Variants in OSBP2 observed in about 807,000 individuals in gnomAD.
OSBP2 encodes oxysterol binding protein 2.
Under a neutral mutation model 96.0 loss-of-function variants are expected in OSBP2, and 66 were observed. That is an observed-to-expected ratio of 0.69 (90% CI 0.56 to 0.84). The LOEUF is 0.84. Among genes scored for constraint, OSBP2 ranks in the 40% least tolerant of loss-of-function variants. OSBP2 has a pLI of 0.00. For synonymous variants in OSBP2, 525 were observed against 520.9 expected (o/e 1.01, Z -0.11); for missense variants, 1,038 against 1,222.7 (o/e 0.85, Z 2.25).
At chr22:30,860,973 C>T (rs2147086083) in intron 2 of OSBP2, among the ~76,000 whole-genome samples, 1 of 152,306 alleles carries the variant, frequency 6.6e-6, no homozygotes, top group Non-Finnish European at 1.5e-5. Flanking sequence ...AGGTCACAGC[C>T]CTCTTCTGAG....
At chr22:30,836,440 A>G (rs1908116651) in intron 2 of OSBP2, among the ~76,000 whole-genome samples, 1 of 152,106 alleles carries the variant, frequency 6.6e-6, no homozygotes, top group Non-Finnish European at 1.5e-5. Context: ...GCACATACAA[A>G]GCTATTTGTT....
chr22:30,776,714 C>T (rs1029404135), intron 2 of OSBP2, among the ~76,000 whole-genome samples: 3 of 152,004 alleles, frequency 2.0e-5, no homozygotes, highest in African/African-American at 7.3e-5. Flanking sequence ...CTGAGTTATC[C>T]TCCATCAATG....
chr22:30,724,037 A>G (rs1476129706), intron 1 of OSBP2, among the ~76,000 whole-genome samples: 6 of 152,088 alleles, frequency 3.9e-5, no homozygotes, highest in African/African-American at 1.4e-4. Context: ...TGCTCTGCCT[A>G]TTCATCACTC....
At chr22:30,829,411 G>C (rs930905638) in intron 2 of OSBP2, among the ~76,000 whole-genome samples, 11 of 152,188 alleles carry the variant, frequency 7.2e-5, no homozygotes. Context: ...TCCTGCATCA[G>C]CCTCCCGAGT....
chr22:30,896,285 G>C, intron 12 of OSBP2, among the ~76,000 whole-genome samples: 1 of 152,080 alleles, frequency 6.6e-6, no homozygotes. Context: ...CTCCCAAAGT[G>C]CTAGGATTAC....
chr22:30,802,961 A>C (rs2090874010), intron 2 of OSBP2: 1 of 153,680 alleles, frequency 6.5e-6, no homozygotes, highest in Non-Finnish European at 1.5e-5. Context: ...CGCCCGCGGC[A>C]GGGAGGCGGA....
chr22:30,902,433 T>C, intron 12 of OSBP2: 2 of 1,585,566 alleles, frequency 1.3e-6, no homozygotes, highest in Non-Finnish European at 1.7e-6. Context: ...AGTCACTTCA[T>C]GTGGACATTG....
chr22:30,706,897 T>G (rs912238850), intron 1 of OSBP2, among the ~76,000 whole-genome samples: 1 of 152,200 alleles, frequency 6.6e-6, no homozygotes, highest in African/African-American at 2.4e-5. Context: ...TGCAACGATC[T>G]GGAGGAACTG....
At chr22:30,813,432 G>A (rs905189797) in intron 2 of OSBP2, among the ~76,000 whole-genome samples, 9 of 151,862 alleles carry the variant, frequency 5.9e-5, no homozygotes, top group African/African-American at 1.5e-4. Flanking sequence ...CCTCTGCCCC[G>A]CAAAGTGCTG....
chr22:30,885,204 G>C (rs187939217), intron 3 of OSBP2, among the ~76,000 whole-genome samples: 32 of 152,312 alleles, frequency 2.1e-4, no homozygotes, highest in African/African-American at 7.5e-4. Context: ...GAGCTCAGTG[G>C]GTGCTCCAGG....
At chr22:30,832,635 G>T (rs1414016671) in intron 2 of OSBP2, among the ~76,000 whole-genome samples, 2 of 152,306 alleles carry the variant, frequency 1.3e-5, no homozygotes, top group South Asian at 2.1e-4. Context: ...TGGAATCATT[G>T]TTTGGACTCA....
In OSBP2 at chr22:30,795,187, A is replaced by G. The variant is rs571050194; in HGVS notation, c.853+53818A>G. Among the ~76,000 whole-genome samples the G allele has an allele frequency of 3.3e-5, 5 of 152,280 alleles. No homozygotes were observed. The East Asian group carries it at 9.7e-4, about 30-fold the overall frequency. Reference sequence around the variant, plus strand: ...CAGCCTCCCAAAGTGCTGGGGTTACAGGTGTAAGCCACTGGGCCTGACCTA... The same window carrying G: ...CAGCCTCCCAAAGTGCTGGGGTTACGGGTGTAAGCCACTGGGCCTGACCTA... On this transcript the variant is annotated intron_variant, in intron 2 of 13. Transcript: ENST00000332585.
At position 30,869,941 on chromosome 22, in the gene OSBP2, T is replaced by C. The variant is rs564439579; in HGVS notation, c.854-488T>C. On this transcript the variant is annotated intron_variant, in intron 2 of 13. Transcript: ENST00000332585. The stretch of plus-strand genomic sequence containing the variant: ...GATTGGTGTGGCTGGGGGATGGGCA[T>C]GAGCAGAGAGCAAAGTGAGGTTGAC... Among the ~76,000 whole-genome samples the C allele has an allele frequency of 1.1e-4, 16 of 152,184 alleles. No homozygotes were observed. In the South Asian group the frequency reaches 1.7e-3, roughly 16 times the overall value.
At chr22:30,791,321 CTTTTTTTTTT>C (rs869143598) in intron 2 of OSBP2, among the ~76,000 whole-genome samples, 6 of 64,010 alleles carry the variant, frequency 9.4e-5, no homozygotes, top group African/African-American at 1.5e-4. Flanking sequence ...GGGGATTCTT[CTTTTTTTTTT>C]TTTTTTTTTT....
intron 2 of OSBP2, among the ~76,000 whole-genome samples, chr22:30,830,814 C>G (rs2038505235): frequency 6.6e-6 from 1 of 151,890 alleles, no homozygotes; most frequent in Non-Finnish European, 1.5e-5. Flanking sequence ...CCCTTTGCCA[C>G]TGTTTTTAGG....
intron 1 of OSBP2, among the ~76,000 whole-genome samples, chr22:30,708,868 A>G (rs2089299703): frequency 6.6e-6 from 1 of 151,454 alleles, no homozygotes; most frequent in Non-Finnish European, 1.5e-5. Flanking sequence ...TGGGAGGCCA[A>G]GGTGGGTGGA....
chr22:30,742,521 C>T (rs1285770143), intron 2 of OSBP2, among the ~76,000 whole-genome samples: 3 of 152,184 alleles, frequency 2.0e-5, no homozygotes, highest in African/African-American at 7.2e-5. Context: ...ACCCCATTCT[C>T]CTACCAAGAG....
chr22:30,873,100 C>T (rs1400423124), intron 3 of OSBP2, among the ~76,000 whole-genome samples: 1 of 152,178 alleles, frequency 6.6e-6, no homozygotes, highest in African/African-American at 2.4e-5. Context: ...CTGGTTAGCA[C>T]CTTGAGGGAT....
At chr22:30,820,968 G>A (rs2038259850) in intron 2 of OSBP2, among the ~76,000 whole-genome samples, 1 of 152,214 alleles carries the variant, frequency 6.6e-6, no homozygotes, top group Non-Finnish European at 1.5e-5. Context: ...GAGCTTTGAT[G>A]TGTATTTGAA....
Sources: allele counts gnomAD v4.1 joint callset (sites outside exome capture counted in the v4.1 genomes callset), GRCh38; gene constraint gnomAD v4.1.1; transcripts MANE v1.5; gene names NCBI Gene and HGNC (gene_info 2026-07-23, HGNC 2026-07-21).